Variants in TUT4 observed in about 807,000 individuals in gnomAD.
TUT4 encodes the protein terminal uridylyl transferase 4.
Under a neutral mutation model 192.2 loss-of-function variants are expected in TUT4, and 36 were observed. The ratio of observed to expected loss-of-function variants is 0.19; its 90% CI spans 0.14 to 0.25. TUT4 has a LOEUF of 0.25. TUT4 is among the 10% of genes least tolerant of loss of function. TUT4 has a pLI of 1.00. For missense variants in TUT4, 1,493 were observed against 1,957.2 expected (o/e 0.76, Z 4.47); for synonymous variants, 618 against 666.0 (o/e 0.93, Z 1.11).
chr1:52,437,983 AAAAC>A (rs1654347632), intron 25 of TUT4, among the ~76,000 whole-genome samples: 2 of 152,046 alleles, frequency 1.3e-5, no homozygotes, highest in South Asian at 4.1e-4. Context: ...AACAAAAACA[AAAAC>A]AAAAAAAAAC....
chr1:52,464,278 C>T (rs553631278), intron 16 of TUT4, among the ~76,000 whole-genome samples: 8 of 151,880 alleles, frequency 5.3e-5, no homozygotes, highest in Admixed American at 3.9e-4. Flanking sequence ...TTTTCTGAGA[C>T]GGAGTCTCAC....
At chr1:52,487,061 G>T (rs1409464653) in intron 9 of TUT4, among the ~76,000 whole-genome samples, 2 of 152,138 alleles carry the variant, frequency 1.3e-5, no homozygotes, top group African/African-American at 2.4e-5. Context: ...CGAGCCTGAA[G>T]TATATTCTCA....
chr1:52,508,015 G>A (rs563386391), intron 4 of TUT4, among the ~76,000 whole-genome samples: 22 of 151,968 alleles, frequency 1.4e-4, no homozygotes, highest in South Asian at 2.1e-4. Context: ...GTTTTGCCAC[G>A]TTGCCCAGGC....
intron 1 of TUT4, among the ~76,000 whole-genome samples, chr1:52,542,757 A>ACTTTTTTTTTTTTTTTTTTTTTTTT (rs772350885): frequency 6.8e-6 from 1 of 147,550 alleles, no homozygotes; most frequent in Admixed American, 6.7e-5. Flanking sequence ...CTTTTTATTT[A>ACTTTTTTTTTTTTTTTTTTTTTTTT]TTTATTTATT....
chr1:52,424,061 C>T lies in TUT4; in HGVS notation c.4871-59G>A, dbSNP rs1052840994. 11 of 1,516,684 alleles carry T rather than the reference C, an allele frequency of 7.3e-6. No individual in the cohort carries two copies. The African/African-American group carries it at 1.2e-4, about 17-fold the overall frequency. 94.0% of individuals were successfully genotyped at this position (1,516,684 alleles called of 1,614,324 possible). A position where few individuals can be genotyped will look rare whatever the true frequency, so the allele number is the denominator to read the frequency against. On this transcript the variant is annotated intron_variant, in intron 29 of 29. Transcript: ENST00000257177. The stretch of plus-strand genomic sequence containing the variant: ...GCTTGTGCCTGTTTATCTGACAACA[C>T]CTTAGAATTAACTTGTAGTTAGCTT...
intron 20 of TUT4, among the ~76,000 whole-genome samples, chr1:52,447,838 T>C (rs1223672013): frequency 6.6e-6 from 1 of 152,230 alleles, no homozygotes; most frequent in Non-Finnish European, 1.5e-5. Flanking sequence ...AGTCAGTCAG[T>C]AGTTTATAAA....
intron 19 of TUT4, among the ~76,000 whole-genome samples, chr1:52,460,664 G>A (rs1047046044): frequency 3.3e-5 from 5 of 152,106 alleles, no homozygotes; most frequent in Non-Finnish European, 5.9e-5. Context: ...GAGAAACAGA[G>A]GTTCCTGTTC....
At chr1:52,464,003 TCAGA>T (rs1250666198) in intron 16 of TUT4, among the ~76,000 whole-genome samples, 1 of 152,024 alleles carries the variant, frequency 6.6e-6, no homozygotes, top group Non-Finnish European at 1.5e-5. Context: ...AACTCTGGAG[TCAGA>T]CAGACCTGGG....
chr1:52,510,854 T>C (rs1676951816), intron 3 of TUT4, among the ~76,000 whole-genome samples: 1 of 152,200 alleles, frequency 6.6e-6, no homozygotes, highest in South Asian at 2.1e-4. Context: ...TGAATTTAAA[T>C]TCCTGTACAC....
chr1:52,447,480 A>C (rs906991331), intron 20 of TUT4, among the ~76,000 whole-genome samples: 1 of 151,726 alleles, frequency 6.6e-6, no homozygotes, highest in South Asian at 2.1e-4. Context: ...AAAAAAACAA[A>C]AAAAAAAAAG....
intron 3 of TUT4, among the ~76,000 whole-genome samples, chr1:52,513,579 G>A (rs1557907790): frequency 6.6e-6 from 1 of 151,980 alleles, no homozygotes; most frequent in Non-Finnish European, 1.5e-5. Context: ...CATCATTACT[G>A]ACTATATAAA....
rs1000034878 is a variant in TUT4 at position 52,510,864 on chromosome 1, C to G, written c.883-1152G>C. On this transcript the variant is annotated intron_variant, in intron 3 of 29. Transcript: ENST00000257177. ...GACACTGAATTTAAATTCCTGTACA[C>G]CTGAATCTGAAGTCAACATTCTACG... Among the ~76,000 whole-genome samples the G allele has an allele frequency of 1.2e-4, 18 of 152,142 alleles. 1 individual carries two copies. The highest frequency in any genetic ancestry group is 3.9e-4 in the African/African-American group (16 of 41,442).
intron 27 of TUT4, chr1:52,435,060 C>G (rs1329009011): frequency 1.1e-5 from 2 of 184,854 alleles, no homozygotes; most frequent in African/African-American, 4.7e-5. Flanking sequence ...TGATATTTTT[C>G]CACTAAGCAA....
intron 1 of TUT4, among the ~76,000 whole-genome samples, 168 bp downstream of exon 1, chr1:52,552,763 A>T: frequency 6.6e-6 from 1 of 152,152 alleles, no homozygotes; most frequent in East Asian, 1.9e-4. Flanking sequence ...AGCCCGTTCC[A>T]GGAAAGAAAG....
At chr1:52,522,032 TAAG>T (rs1680426554) in intron 2 of TUT4, among the ~76,000 whole-genome samples, 1 of 151,942 alleles carries the variant, frequency 6.6e-6, no homozygotes, top group African/African-American at 2.4e-5. Context: ...ATCAATCTAA[TAAG>T]AAATCATTAA....
In TUT4 at chr1:52,498,718, C is replaced by T. The variant is rs1673141239; in HGVS notation, c.1000-1535G>A. On this transcript the variant is annotated intron_variant, in intron 4 of 29. Coordinates refer to ENST00000257177, the MANE Select transcript of TUT4 (RefSeq NM_001009881.3). ...CCTGGCCAACATGGTGTAACCCCGT[C>T]TCTAATAGAAATACAAAAATTAGGT... 4.6e-5 allele frequency among the ~76,000 whole-genome samples: 7 copies of T among 151,006 alleles called. No individual in the cohort carries two copies. In the South Asian group the frequency reaches 1.5e-3, roughly 32 times the overall value.
chr1:52,431,508 A>T, intron 27 of TUT4, 48 bp from the exon 28 acceptor site: 2 of 1,296,462 alleles, frequency 1.5e-6, no homozygotes, highest in African/African-American at 3.0e-5. Context: ...AAACATCTTA[A>T]TTTTATAAAA....
intron 2 of TUT4, 104 bp downstream of exon 2, chr1:52,525,459 C>G (rs894193656): frequency 7.1e-7 from 1 of 1,401,976 alleles, no homozygotes; most frequent in Non-Finnish European, 9.4e-7. Flanking sequence ...AACAAAAGTG[C>G]TAAACAATTA....
chr1:52,512,392 C>A (rs1677421498), intron 3 of TUT4, among the ~76,000 whole-genome samples: 1 of 152,066 alleles, frequency 6.6e-6, no homozygotes, highest in African/African-American at 2.4e-5. Flanking sequence ...GTTATCAATC[C>A]CATTTTACTG....
Sources: allele counts gnomAD v4.1 joint callset (sites outside exome capture counted in the v4.1 genomes callset), GRCh38; gene constraint gnomAD v4.1.1; transcripts MANE v1.5; gene names NCBI Gene and HGNC (gene_info 2026-07-23, HGNC 2026-07-21).